Variants in INVS observed in about 807,000 individuals in gnomAD.
INVS encodes the protein inversion of embryo turning homolog.
INVS carries 86 observed loss-of-function variants against 108.8 expected under a neutral mutation model. The observed-to-expected ratio is 0.79, with a 90% CI of 0.66 to 0.95. The LOEUF is 0.95. INVS is among the 40% of genes least tolerant of loss of function. The probability of loss-of-function intolerance (pLI) is 0.00; values close to 1 mark genes in which losing one functional copy is unlikely to be tolerated. For missense variants in INVS, 1,169 were observed against 1,297.4 expected, an observed-to-expected ratio of 0.90 and a Z score of 1.52; for synonymous variants, 455 against 473.5, an observed-to-expected ratio of 0.96 and a Z score of 0.51.
At chr9:100,100,628 A>AC (rs1491557006) in intron 1 of INVS, among the ~76,000 whole-genome samples, 1 of 75,062 alleles carries the variant, frequency 1.3e-5, no homozygotes, top group Non-Finnish European at 2.3e-5. Context: ...ATGTATATAT[A>AC]ATATATATAT....
intron 3 of INVS, among the ~76,000 whole-genome samples, chr9:100,142,227 G>A (rs1828455763): frequency 6.6e-6 from 1 of 152,142 alleles, no homozygotes; most frequent in African/African-American, 2.4e-5. Flanking sequence ...CTTGCATGGT[G>A]GTGCACGATA....
intron 13 of INVS, among the ~76,000 whole-genome samples, chr9:100,289,997 T>A (rs1362753167): frequency 6.6e-6 from 1 of 152,200 alleles, no homozygotes; most frequent in Non-Finnish European, 1.5e-5. Context: ...GAATGAAAGT[T>A]CTTATTGCTC....
chr9:100,196,781 T>C (rs1830388095), intron 3 of INVS, among the ~76,000 whole-genome samples: 3 of 151,608 alleles, frequency 2.0e-5, no homozygotes, highest in Admixed American at 2.0e-4. Flanking sequence ...TTTAAGCCTG[T>C]GAAATTTTCC....
At chr9:100,241,677 T>G (rs1831878652) in intron 6 of INVS, among the ~76,000 whole-genome samples, 1 of 152,258 alleles carries the variant, frequency 6.6e-6, no homozygotes. Flanking sequence ...TTAGAGTAAC[T>G]ATGTGGCAAA....
chr9:100,299,680 A>ACC (rs1332320673), intron 16 of INVS, among the ~76,000 whole-genome samples: 6 of 142,466 alleles, frequency 4.2e-5, no homozygotes, highest in Admixed American at 2.1e-4. Context: ...ACACACACAC[A>ACC]CCTGGGCCTA....
chr9:100,222,092 A>G (rs1307822307), intron 3 of INVS, among the ~76,000 whole-genome samples: 1 of 152,152 alleles, frequency 6.6e-6, no homozygotes, highest in Non-Finnish European at 1.5e-5. Context: ...GTTCTTAATC[A>G]CTAGCTGAAC....
At chr9:100,180,171 C>A (rs1829840745) in intron 3 of INVS, among the ~76,000 whole-genome samples, 1 of 152,034 alleles carries the variant, frequency 6.6e-6, no homozygotes, top group Non-Finnish European at 1.5e-5. Flanking sequence ...GCACTAAATG[C>A]CCACAGGAGA....
chr9:100,222,007 T>A (rs368655256), intron 3 of INVS, among the ~76,000 whole-genome samples: 2 of 152,168 alleles, frequency 1.3e-5, no homozygotes, highest in Admixed American at 1.3e-4. Context: ...TTGGAATGTA[T>A]CCCCAGGAGA....
At chr9:100,153,039 G>A (rs1352971745) in intron 3 of INVS, among the ~76,000 whole-genome samples, 1 of 146,800 alleles carries the variant, frequency 6.8e-6, no homozygotes, top group Non-Finnish European at 1.5e-5. Context: ...GTGTACAGGT[G>A]CACACAGGTG....
chr9:100,261,843 T>C (rs1832634112), intron 10 of INVS, among the ~76,000 whole-genome samples: 1 of 152,248 alleles, frequency 6.6e-6, no homozygotes, highest in East Asian at 1.9e-4. Flanking sequence ...GCATCCTTAA[T>C]TAATTCTGGT....
chr9:100,208,375 A>G (rs1242440453), intron 3 of INVS, among the ~76,000 whole-genome samples: 1 of 152,202 alleles, frequency 6.6e-6, no homozygotes, highest in Non-Finnish European at 1.5e-5. Flanking sequence ...CCTTTAATGC[A>G]TGGTCTGAAT....
chr9:100,219,881 G>GATATATATATATAT (rs61219577), intron 3 of INVS, among the ~76,000 whole-genome samples: 14 of 148,020 alleles, frequency 9.5e-5, no homozygotes, highest in African/African-American at 3.5e-4. Flanking sequence ...GTCGTTTATG[G>GATATATATATATAT]ATATATATAT....
At chr9:100,194,054 T>C (rs1047633021) in intron 3 of INVS, among the ~76,000 whole-genome samples, 9 of 152,262 alleles carry the variant, frequency 5.9e-5, no homozygotes, top group Non-Finnish European at 1.2e-4. Flanking sequence ...TCTGTAAGCA[T>C]ATGCTTTCAT....
At chr9:100,108,779 A>G (rs964149228) in intron 2 of INVS, among the ~76,000 whole-genome samples, 3 of 152,198 alleles carry the variant, frequency 2.0e-5, no homozygotes, top group African/African-American at 7.2e-5. Context: ...CTACATACAC[A>G]ACGAATTAAA....
chr9:100,265,085 G>A (rs1386906370), intron 11 of INVS, among the ~76,000 whole-genome samples, 157 bp downstream of exon 11: 1 of 151,856 alleles, frequency 6.6e-6, no homozygotes, highest in East Asian at 1.9e-4. Context: ...TGGGATTACA[G>A]GCATGCACGA....
chr9:100,219,975 G>C (rs1363041111), intron 3 of INVS, among the ~76,000 whole-genome samples: 1 of 152,054 alleles, frequency 6.6e-6, no homozygotes, highest in Non-Finnish European at 1.5e-5. Flanking sequence ...TCTCCAAAGA[G>C]GGAGAGAAGG....
At chr9:100,274,556 G>A (rs771906592) in intron 12 of INVS, among the ~76,000 whole-genome samples, 10 of 152,176 alleles carry the variant, frequency 6.6e-5, no homozygotes, top group Non-Finnish European at 1.5e-4. Flanking sequence ...TCAGGCTGGA[G>A]TACAGTGGCA....
Position 100,284,372 on chromosome 9 carries a change from C to T in INVS, c.1837C>T (p.Arg613Trp), listed in dbSNP as rs529208660. The part of the protein sequence containing the change: ...RKEAEQQKGR[R>W]SPDSCRPQAL... ...AGAGGCAGAACAGCAAAAAGGAAGG[C>T]GGAGCCCAGATTCCTGCAGACCCCA... Residue 613 changes from arginine to tryptophan, a missense_variant, in exon 13 of 17, where the codon CGG becomes TGG. Coordinates refer to ENST00000262457, the MANE Select transcript of INVS (RefSeq NM_014425.5). The T allele has an allele frequency of 4.3e-6, 7 of 1,613,672 alleles. No individual in the cohort carries two copies. The highest frequency in any genetic ancestry group is 5.9e-6 in the Non-Finnish European group (7 of 1,180,038).
intron 3 of INVS, among the ~76,000 whole-genome samples, chr9:100,158,824 A>T (rs1037645375): frequency 2.6e-5 from 4 of 152,182 alleles, no homozygotes; most frequent in Non-Finnish European, 5.9e-5. Flanking sequence ...ATGGGAGCAG[A>T]TCTCTCATGA....
Sources: allele counts gnomAD v4.1 joint callset (sites outside exome capture counted in the v4.1 genomes callset), GRCh38; gene constraint gnomAD v4.1.1; transcripts MANE v1.5; gene names NCBI Gene and HGNC (gene_info 2026-07-23, HGNC 2026-07-21).